ABLIM3: variants seen among roughly 807,000 people sequenced by gnomAD.
The protein encoded by ABLIM3 is actin binding LIM protein family member 3.
Under a neutral mutation model 109.5 loss-of-function variants are expected in ABLIM3, and 61 were observed. The ratio of observed to expected loss-of-function variants is 0.56; its 90% CI spans 0.45 to 0.69. The LOEUF (loss-of-function observed/expected upper bound fraction) is 0.69. ABLIM3 is among the 30% of genes least tolerant of loss of function. ABLIM3 has a pLI of 0.00. For synonymous variants in ABLIM3, 300 were observed against 324.8 expected, an observed-to-expected ratio of 0.92 and a Z score of 0.82; for missense variants, 796 against 889.5, an observed-to-expected ratio of 0.89 and a Z score of 1.34.
intron 23 of ABLIM3, among the ~76,000 whole-genome samples, chr5:149,253,286 A>C (rs10044307): frequency 0.014 from 2,202 of 152,314 alleles, 64 homozygotes; most frequent in African/African-American, 0.049. Context: ...AGGGGGAGGC[A>C]GCACTATGTG....
chr5:149,168,981 G>T (rs1305182976), intron 2 of ABLIM3, among the ~76,000 whole-genome samples: 1 of 146,454 alleles, frequency 6.8e-6, no homozygotes, highest in Non-Finnish European at 1.5e-5. Flanking sequence ...TCCCCACCCC[G>T]GTGATTCTGA....
At chr5:149,249,714 G>A in intron 18 of ABLIM3, 101 bp from the exon 19 acceptor site, 1 of 1,438,512 alleles carries the variant, frequency 7.0e-7, no homozygotes, top group Non-Finnish European at 9.8e-7. Flanking sequence ...GCCAGCCAGG[G>A]GGATCGGGTA....
intron 13 of ABLIM3, among the ~76,000 whole-genome samples, chr5:149,240,133 G>C (rs1752659919): frequency 6.6e-6 from 1 of 152,198 alleles, no homozygotes; most frequent in Non-Finnish European, 1.5e-5. Context: ...CCAGGAGAGG[G>C]GGCTGGCAGG....
chr5:149,250,559 A>C, intron 20 of ABLIM3, 54 bp downstream of exon 20: 1 of 1,589,676 alleles, frequency 6.3e-7, no homozygotes, highest in Non-Finnish European at 8.6e-7. Context: ...AATGCTAATA[A>C]ACCCAACATT....
chr5:149,142,570 A>G (rs2127421533), intron 2 of ABLIM3, among the ~76,000 whole-genome samples: 1 of 152,276 alleles, frequency 6.6e-6, no homozygotes, highest in East Asian at 1.9e-4. Flanking sequence ...AGTTTGATAA[A>G]CAAATAATCG....
chr5:149,217,235 A>C (rs140953493), intron 8 of ABLIM3, 189 bp downstream of exon 8: 18 of 617,068 alleles, frequency 2.9e-5, no homozygotes, highest in African/African-American at 2.6e-4. Flanking sequence ...GGCTAATATG[A>C]AGTGACATGT....
chr5:149,152,077 G>A (rs1446664276), intron 2 of ABLIM3, among the ~76,000 whole-genome samples: 1 of 152,208 alleles, frequency 6.6e-6, no homozygotes, highest in African/African-American at 2.4e-5. Context: ...GAAATCAGAA[G>A]TGGGATTTCT....
At chr5:149,171,230 G>A (rs2127460596) in intron 2 of ABLIM3, among the ~76,000 whole-genome samples, 1 of 151,930 alleles carries the variant, frequency 6.6e-6, no homozygotes, top group South Asian at 2.1e-4. Context: ...CTTCCTTTAG[G>A]GTAGAAAGTG....
intron 8 of ABLIM3, among the ~76,000 whole-genome samples, chr5:149,223,734 C>T (rs1233652761): frequency 1.3e-5 from 2 of 152,120 alleles, no homozygotes; most frequent in Admixed American, 6.5e-5. Flanking sequence ...CAGAGAAGTT[C>T]CAGAGAGTCT....
intron 3 of ABLIM3, among the ~76,000 whole-genome samples, chr5:149,193,075 A>G (rs536588832): frequency 3.3e-5 from 5 of 152,312 alleles, no homozygotes; most frequent in Non-Finnish European, 7.4e-5. Flanking sequence ...ATAGATTTTT[A>G]TTCAAACAAC....
chr5:149,239,601 G>A (rs939882851), intron 12 of ABLIM3, among the ~76,000 whole-genome samples, 158 bp from the exon 13 acceptor site: 6 of 150,248 alleles, frequency 4.0e-5, no homozygotes, highest in East Asian at 2.0e-4. Flanking sequence ...CATCTTCCTC[G>A]GGCTGTGTGT....
chr5:149,178,763 G>C (rs1366415850), intron 2 of ABLIM3, among the ~76,000 whole-genome samples: 1 of 152,206 alleles, frequency 6.6e-6, no homozygotes, highest in Non-Finnish European at 1.5e-5. Context: ...TTAAAAGTGA[G>C]ACCAGTTACT....
Position 149,259,735 on chromosome 5 carries a change from T to C in ABLIM3, c.*1331T>C. On this transcript the variant is annotated 3_prime_UTR_variant, in exon 24 of 24. Coordinates refer to ENST00000309868, the MANE Select transcript of ABLIM3 (RefSeq NM_014945.5). Reference sequence around the variant, plus strand: ...AATGGGTAATGTTTGGTGGGGGCTGTTCCTTCTTGGAGAAGCCTTGAGTCG... The same window carrying C: ...AATGGGTAATGTTTGGTGGGGGCTGCTCCTTCTTGGAGAAGCCTTGAGTCG... The C allele has an allele frequency of 1.2e-6, 1 of 807,910 alleles. No individual in the cohort carries two copies. Among genetic ancestry groups the C allele is most frequent in the Non-Finnish European group, 2.0e-6 (1 of 512,022 alleles). The allele number at this position is 807,910 out of a possible 1,614,324, so 50.0% of individuals were successfully genotyped here.
chr5:149,249,290 C>T (rs1448737446), intron 18 of ABLIM3, among the ~76,000 whole-genome samples: 1 of 152,260 alleles, frequency 6.6e-6, no homozygotes, highest in East Asian at 1.9e-4. Context: ...ATAGATGCGT[C>T]AGGCACTATG....
intron 2 of ABLIM3, among the ~76,000 whole-genome samples, chr5:149,156,399 C>T (rs1753868005): frequency 6.6e-6 from 1 of 152,188 alleles, no homozygotes; most frequent in African/African-American, 2.4e-5. Context: ...ATGCTTAGCA[C>T]AGTGCCTGGC....
At chr5:149,254,001 A>C (rs1285485104) in intron 23 of ABLIM3, among the ~76,000 whole-genome samples, 1 of 152,224 alleles carries the variant, frequency 6.6e-6, no homozygotes, top group Non-Finnish European at 1.5e-5. Flanking sequence ...AGCAGGCAAG[A>C]GAGCTTGTAC....
chr5:149,219,852 A>G (rs1434152189), intron 8 of ABLIM3: 4 of 152,100 alleles, frequency 2.6e-5, no homozygotes, highest in Admixed American at 1.3e-4. Context: ...CTGCCCTCCC[A>G]TTCTCATCCC....
chr5:149,252,112 T>G, intron 21 of ABLIM3, 89 bp from the exon 22 acceptor site: 3 of 1,491,300 alleles, frequency 2.0e-6, no homozygotes, highest in Non-Finnish European at 2.8e-6. Context: ...CCAGACCCCC[T>G]GAGAGAGTAG....
At chr5:149,217,493 G>A in intron 8 of ABLIM3, 1 of 170,106 alleles carries the variant, frequency 5.9e-6, no homozygotes, top group Admixed American at 5.9e-5. Flanking sequence ...GGCTTCCCAG[G>A]GACTCTCAGA....
Sources: allele counts gnomAD v4.1 joint callset (sites outside exome capture counted in the v4.1 genomes callset), GRCh38; gene constraint gnomAD v4.1.1; transcripts MANE v1.5; gene names NCBI Gene and HGNC (gene_info 2026-07-23, HGNC 2026-07-21).